ESR1: variants seen among roughly 807,000 people sequenced by gnomAD.
ESR1 encodes estrogen receptor.
In ESR1, 12 loss-of-function variants were observed where a neutral mutation model predicts 52.7. That is an observed-to-expected ratio of 0.23 (90% CI 0.15 to 0.37). The LOEUF (loss-of-function observed/expected upper bound fraction) is 0.37, where lower values mean the gene tolerates loss of function less well. ESR1 is among the 10% of genes least tolerant of loss of function. ESR1 has a pLI of 1.00. For missense variants in ESR1, 584 were observed against 779.7 expected (o/e 0.75, Z 2.99); for synonymous variants, 305 against 316.8 (o/e 0.96, Z 0.39).
intron 4 of ESR1, among the ~76,000 whole-genome samples, chr6:151,968,241 C>T (rs564606856): frequency 1.3e-5 from 2 of 152,226 alleles, no homozygotes; most frequent in East Asian, 3.9e-4. Flanking sequence ...AAACTGGACC[C>T]CTTCCTTACA....
chr6:151,674,731 T>C (rs111571357), intron 1 of ESR1, among the ~76,000 whole-genome samples: 2,827 of 152,302 alleles, frequency 0.019, 72 homozygotes, highest in African/African-American at 0.057. Context: ...CTAACTGGCG[T>C]GAGACGGTAT....
At chr6:151,676,488 A>C (rs1193841342) in intron 1 of ESR1, among the ~76,000 whole-genome samples, 1 of 152,158 alleles carries the variant, frequency 6.6e-6, no homozygotes, top group Non-Finnish European at 1.5e-5. Context: ...GCCTCTGTCC[A>C]TCTTTTCGGA....
At chr6:151,778,958 T>C (rs1205348503) in intron 2 of ESR1, among the ~76,000 whole-genome samples, 1 of 152,106 alleles carries the variant, frequency 6.6e-6, no homozygotes, top group South Asian at 2.1e-4. Flanking sequence ...TTTTTCTTGT[T>C]AATTTATTTA....
intron 1 of ESR1, among the ~76,000 whole-genome samples, chr6:151,695,998 GT>G (rs1280487461): frequency 3.3e-5 from 5 of 152,080 alleles, no homozygotes; most frequent in Non-Finnish European, 7.4e-5. Context: ...CCTGCATCAA[GT>G]TTTCTGAAAG....
chr6:151,851,930 C>T (rs73780880), intron 2 of ESR1, among the ~76,000 whole-genome samples: 3,441 of 152,180 alleles, frequency 0.023, 119 homozygotes, highest in African/African-American at 0.077. Flanking sequence ...TGATATTCAA[C>T]TAGCTTAGAT....
chr6:152,061,075 G>C lies in ESR1; in HGVS notation c.1320G>C (p.Leu440=), dbSNP rs149800668. 4 of 1,613,840 alleles carry C rather than the reference G, an allele frequency of 2.5e-6. No homozygotes were observed. The highest frequency in any genetic ancestry group is 3.4e-6 in the Non-Finnish European group (4 of 1,179,824). The stretch of plus-strand genomic sequence containing the variant: ...CATCTCGGTTCCGCATGATGAATCT[G>C]CAGGGAGAGGAGTTTGTGTGCCTCA... ...ATSSRFRMMN[L]QGEEFVCLKS... Residue 440 remains leucine, a synonymous_variant, in exon 6 of 8, where the codon CTG becomes CTC. Coordinates refer to ENST00000206249, the MANE Select transcript of ESR1 (RefSeq NM_000125.4). This position sits in a 1 kb window ranked among gnomAD's most constrained non-coding sequence, Gnocchi z 4.3.
intron 3 of ESR1, among the ~76,000 whole-genome samples, chr6:151,938,804 C>T (rs933439456): frequency 1.2e-4 from 19 of 152,068 alleles, no homozygotes; most frequent in African/African-American, 4.3e-4. Context: ...AACAACGTGA[C>T]GAGGATATTA....
intron 1 of ESR1, among the ~76,000 whole-genome samples, chr6:151,678,569 CT>C (rs1195841846): frequency 6.6e-6 from 1 of 152,014 alleles, no homozygotes; most frequent in Non-Finnish European, 1.5e-5. Flanking sequence ...GTCTCCGTAG[CT>C]GCAAAGCCAA....
intron 2 of ESR1, among the ~76,000 whole-genome samples, chr6:151,765,331 T>G (rs1159424009): frequency 2.0e-5 from 3 of 152,234 alleles, no homozygotes; most frequent in Non-Finnish European, 4.4e-5. Context: ...TTTCAATGAC[T>G]GAATTGAGTA....
At chr6:151,831,169 T>C (rs141617028) in intron 1 of ESR1, among the ~76,000 whole-genome samples, 2,961 of 151,188 alleles carry the variant, frequency 0.02, 90 homozygotes, top group African/African-American at 0.066. Context: ...TTGAGACAGG[T>C]TCTCTCTCTG....
chr6:151,979,277 T>C (rs1238368467), intron 4 of ESR1, among the ~76,000 whole-genome samples: 1 of 152,168 alleles, frequency 6.6e-6, no homozygotes, highest in Non-Finnish European at 1.5e-5. Context: ...CCGATAGCAA[T>C]TATAAATACA....
intron 1 of ESR1, among the ~76,000 whole-genome samples, chr6:151,818,335 G>A (rs1038890081): frequency 7.9e-5 from 12 of 152,132 alleles, no homozygotes; most frequent in African/African-American, 1.2e-4. Context: ...CACACTACTT[G>A]ACTAACAGGT....
At chr6:151,730,488 G>C (rs976432549) in intron 2 of ESR1, among the ~76,000 whole-genome samples, 1 of 152,110 alleles carries the variant, frequency 6.6e-6, no homozygotes, top group South Asian at 2.1e-4. Context: ...AGCTTTTCCA[G>C]GTCTGGCTGG....
chr6:151,885,071 G>A (rs1461613085), intron 3 of ESR1, among the ~76,000 whole-genome samples: 1 of 152,128 alleles, frequency 6.6e-6, no homozygotes, highest in African/African-American at 2.4e-5. Flanking sequence ...CATGAAACAA[G>A]TCACAAGGTA....
At chr6:151,736,828 C>T (rs1782716915) in intron 2 of ESR1, among the ~76,000 whole-genome samples, 1 of 152,060 alleles carries the variant, frequency 6.6e-6, no homozygotes, top group African/African-American at 2.4e-5. Context: ...GTGCAAGCAG[C>T]AATGTAGGCA....
intron 1 of ESR1, among the ~76,000 whole-genome samples, chr6:151,821,187 C>G (rs1780501496): frequency 2.0e-5 from 3 of 152,050 alleles, no homozygotes; most frequent in Admixed American, 2.0e-4. Flanking sequence ...ATGCCCAGTT[C>G]CTGTTCACCG....
chr6:152,091,969 C>G (rs539296611), intron 6 of ESR1, among the ~76,000 whole-genome samples: 1 of 152,142 alleles, frequency 6.6e-6, no homozygotes, highest in Non-Finnish European at 1.5e-5. Flanking sequence ...GGATATCCAG[C>G]CGGAGGCAGA....
chr6:151,717,077 A>T (rs1308905336), intron 2 of ESR1, among the ~76,000 whole-genome samples: 1 of 152,168 alleles, frequency 6.6e-6, no homozygotes, highest in Non-Finnish European at 1.5e-5. Flanking sequence ...TCCTTAGGGC[A>T]CAGTCCCTCA....
intron 4 of ESR1, among the ~76,000 whole-genome samples, chr6:151,988,269 C>A (rs1584673833): frequency 6.6e-6 from 1 of 152,222 alleles, no homozygotes; most frequent in East Asian, 1.9e-4. Context: ...GAGACAGTGA[C>A]AGATTATCAG....
Sources: gnomAD v4.1 joint callset for allele counts (sites outside exome capture counted in the v4.1 genomes callset) on GRCh38, gnomAD v4.1.1 for gene constraint, Gnocchi (gnomAD v3.1) non-coding constraint, MANE v1.5 for transcripts, NCBI Gene and HGNC (gene_info 2026-07-23, HGNC 2026-07-21) for gene names.